Variants in TMEM38B observed in about 807,000 individuals in gnomAD.
TMEM38B encodes transmembrane protein 38B.
In TMEM38B, 24 loss-of-function variants were observed where a neutral mutation model predicts 28.7. The ratio of observed to expected loss-of-function variants is 0.84; its 90% CI spans 0.61 to 1.18. The LOEUF (loss-of-function observed/expected upper bound fraction) is 1.18, where lower values mean the gene tolerates loss of function less well. Among genes scored for constraint, TMEM38B ranks in the 50% most tolerant of loss-of-function variants. The probability of loss-of-function intolerance (pLI) is 0.00; values close to 1 mark genes in which losing one functional copy is unlikely to be tolerated. For missense variants in TMEM38B, 380 were observed against 350.9 expected, an observed-to-expected ratio of 1.08 and a Z score of -0.66; for synonymous variants, 131 against 127.7, an observed-to-expected ratio of 1.03 and a Z score of -0.17.
intron 2 of TMEM38B, among the ~76,000 whole-genome samples, chr9:105,715,332 C>G (rs1836056047): frequency 6.6e-6 from 1 of 151,324 alleles, no homozygotes; most frequent in Non-Finnish European, 1.5e-5. Context: ...TCTTTTTTTT[C>G]TAGATCCCTA....
chr9:105,745,325 C>T (rs1293719250), intron 4 of TMEM38B, among the ~76,000 whole-genome samples: 1 of 152,186 alleles, frequency 6.6e-6, no homozygotes, highest in East Asian at 1.9e-4. Context: ...ATTTGCATTT[C>T]TCTGATGGCC....
intron 2 of TMEM38B, chr9:105,710,239 T>C: frequency 1.8e-6 from 1 of 545,274 alleles, no homozygotes; most frequent in South Asian, 2.2e-5. Flanking sequence ...TTCAGATCTT[T>C]CTTGAAGTCT....
At chr9:105,769,504 T>G (rs1443634380) in intron 5 of TMEM38B, among the ~76,000 whole-genome samples, 1 of 151,996 alleles carries the variant, frequency 6.6e-6, no homozygotes, top group Non-Finnish European at 1.5e-5. Flanking sequence ...TTTGTACAAT[T>G]TTGGTTTCAC....
At chr9:105,741,528 G>A (rs766400401) in intron 4 of TMEM38B, among the ~76,000 whole-genome samples, 1 of 152,198 alleles carries the variant, frequency 6.6e-6, no homozygotes, top group Non-Finnish European at 1.5e-5. Flanking sequence ...GACTTCGAAG[G>A]AAATAAGGAA....
chr9:105,728,611 GGAT>G (rs1332842942), intron 4 of TMEM38B, among the ~76,000 whole-genome samples: 1 of 152,060 alleles, frequency 6.6e-6, no homozygotes, highest in East Asian at 1.9e-4. Context: ...CCCAGTAATG[GGAT>G]GACTGGGTCA....
At chr9:105,730,808 C>G (rs1381003916) in intron 4 of TMEM38B, among the ~76,000 whole-genome samples, 1 of 152,044 alleles carries the variant, frequency 6.6e-6, no homozygotes, top group African/African-American at 2.4e-5. Flanking sequence ...GTGTATGTGT[C>G]CAGGAATTTA....
intron 4 of TMEM38B, among the ~76,000 whole-genome samples, chr9:105,730,454 C>T (rs10114831): frequency 0.13 from 20,182 of 152,088 alleles, 1,985 homozygotes; most frequent in East Asian, 0.47. Context: ...TTTTGATGTG[C>T]TGCTGGATTT....
chr9:105,727,787 A>G (rs977208450), intron 4 of TMEM38B, among the ~76,000 whole-genome samples: 1 of 152,030 alleles, frequency 6.6e-6, no homozygotes, highest in Non-Finnish European at 1.5e-5. Flanking sequence ...AGGTGATTGG[A>G]TCATGGGGGT....
At chr9:105,734,778 T>C (rs1836908064) in intron 4 of TMEM38B, among the ~76,000 whole-genome samples, 1 of 152,070 alleles carries the variant, frequency 6.6e-6, no homozygotes, top group Non-Finnish European at 1.5e-5. Flanking sequence ...ACCATTTGCA[T>C]GGAATATGTT....
chr9:105,695,750 C>G (rs760752107), intron 1 of TMEM38B, among the ~76,000 whole-genome samples: 15 of 152,128 alleles, frequency 9.9e-5, no homozygotes, highest in Non-Finnish European at 1.5e-4. Flanking sequence ...TTCTTATGGA[C>G]TACTTACTGG....
chr9:105,749,286 A>T (rs1837555455), intron 5 of TMEM38B: 2 of 251,246 alleles, frequency 8.0e-6, no homozygotes, highest in South Asian at 1.2e-4. Flanking sequence ...TATAAAGAAA[A>T]AGAAGTTTAA....
intron 2 of TMEM38B, 55 bp downstream of exon 2, chr9:105,705,808 G>A (rs1835639013): frequency 6.7e-7 from 1 of 1,494,702 alleles, no homozygotes; most frequent in Admixed American, 2.1e-5. Flanking sequence ...GTTGTAAATT[G>A]TTAGTAAAAT....
At chr9:105,712,642 C>T (rs1236870129) in intron 2 of TMEM38B, among the ~76,000 whole-genome samples, 1 of 152,198 alleles carries the variant, frequency 6.6e-6, no homozygotes, top group African/African-American at 2.4e-5. Context: ...ACATTTAGTG[C>T]CTATTAATTA....
intron 4 of TMEM38B, among the ~76,000 whole-genome samples, chr9:105,734,818 A>G (rs986944224): frequency 6.7e-6 from 1 of 148,834 alleles, no homozygotes; most frequent in African/African-American, 2.5e-5. Context: ...GCCTGTGTGC[A>G]TCCTTAAAGC....
chr9:105,728,899 A>G (rs530877174), intron 4 of TMEM38B, among the ~76,000 whole-genome samples: 12 of 151,668 alleles, frequency 7.9e-5, no homozygotes, highest in African/African-American at 2.7e-4. Flanking sequence ...GTCTGTTCAT[A>G]TCCTTTGCCC....
At chr9:105,706,798 G>T (rs1405178979) in intron 2 of TMEM38B, among the ~76,000 whole-genome samples, 1 of 151,770 alleles carries the variant, frequency 6.6e-6, no homozygotes, top group Admixed American at 6.6e-5. Context: ...GAATTGAGCT[G>T]CTAAGCAGAG....
chr9:105,717,029 A>G (rs1472740979), intron 2 of TMEM38B, among the ~76,000 whole-genome samples: 3 of 152,142 alleles, frequency 2.0e-5, no homozygotes, highest in African/African-American at 7.2e-5. Context: ...CCTAACCCCC[A>G]TGTTGTTGAA....
At chr9:105,752,618 AAAC>A (rs1397289846) in intron 5 of TMEM38B, among the ~76,000 whole-genome samples, 2 of 152,188 alleles carry the variant, frequency 1.3e-5, no homozygotes, top group African/African-American at 2.4e-5. Flanking sequence ...AACAAACAGA[AAAC>A]AACAACAACA....
intron 4 of TMEM38B, among the ~76,000 whole-genome samples, chr9:105,727,900 C>G (rs144678868): frequency 3.4e-4 from 52 of 152,146 alleles, no homozygotes; most frequent in Non-Finnish European, 6.3e-4. Context: ...GTTCCTTTCC[C>G]TCCTCGTTCT....
Sources: gnomAD v4.1 joint callset for allele counts (sites outside exome capture counted in the v4.1 genomes callset) on GRCh38, gnomAD v4.1.1 for gene constraint, MANE v1.5 for transcripts, NCBI Gene and HGNC (gene_info 2026-07-23, HGNC 2026-07-21) for gene names.